Variants in PRKAG2 observed in about 807,000 individuals in gnomAD.
The protein encoded by PRKAG2 is 5'-AMP-activated protein kinase subunit gamma-2.
Under a neutral mutation model 69.6 loss-of-function variants are expected in PRKAG2, and 26 were observed. The observed-to-expected ratio is 0.37, with a 90% confidence interval of 0.27 to 0.52. PRKAG2 has a LOEUF of 0.52. Ranked by LOEUF, PRKAG2 falls within the 20% of genes least tolerant of loss-of-function variation. The pLI, the probability that PRKAG2 is intolerant of heterozygous loss-of-function variation, is 0.90. For missense variants in PRKAG2, 557 were observed against 740.0 expected, an observed-to-expected ratio of 0.75 and a Z score of 2.87; for synonymous variants, 293 against 285.0, an observed-to-expected ratio of 1.03 and a Z score of -0.28.
At chr7:151,833,956 A>T (rs1410242381) in intron 1 of PRKAG2, among the ~76,000 whole-genome samples, 1 of 152,200 alleles carries the variant, frequency 6.6e-6, no homozygotes, top group African/African-American at 2.4e-5. Context: ...TCCTTCCTCT[A>T]GGAGAAGGCC....
In PRKAG2 at chr7:151,691,566, A is replaced by G. The variant is rs187626597; in HGVS notation, c.467-15929T>C. The stretch of plus-strand genomic sequence containing the variant: ...TACAGATGACAAATAATGATATGAT[A>G]TTCACCATCATTAATCTTTAGGGCT... On this transcript the variant is annotated intron_variant, in intron 3 of 15. Transcript: ENST00000287878. Among the ~76,000 whole-genome samples the G allele has an allele frequency of 2.6e-3, 391 of 152,238 alleles. 1 individual carries two copies. The highest frequency in any genetic ancestry group is 4.1e-3 in the Non-Finnish European group (278 of 68,014).
At chr7:151,658,626 G>A (rs1298134503) in intron 4 of PRKAG2, among the ~76,000 whole-genome samples, 1 of 152,166 alleles carries the variant, frequency 6.6e-6, no homozygotes, top group Non-Finnish European at 1.5e-5. Flanking sequence ...AAATGTGCCT[G>A]ATCTAATTCA....
At chr7:151,626,306 C>A (rs1248135509) in intron 5 of PRKAG2, among the ~76,000 whole-genome samples, 3 of 152,202 alleles carry the variant, frequency 2.0e-5, no homozygotes, top group Non-Finnish European at 4.4e-5. Flanking sequence ...AAGTCGGAGA[C>A]ACCACCAAAT....
In PRKAG2 at chr7:151,716,414, A is replaced by AG. The variant is rs573434234; in HGVS notation, c.467-40778dup. Among the ~76,000 whole-genome samples, 15 of 152,308 alleles carry AG rather than the reference A, an allele frequency of 9.8e-5. No homozygotes were observed. The East Asian group carries it at 2.9e-3, about 29-fold the overall frequency. ...CCTGTTAGAGAAGCAGGGGCTGGGC[A>AG]GGGGTCCGTATGTGGACTCCCAACA... On this transcript the variant is annotated intron_variant, in intron 3 of 15. Coordinates refer to ENST00000287878, the MANE Select transcript of PRKAG2 (RefSeq NM_016203.4).
At position 151,781,797 on chromosome 7, in the gene PRKAG2, C is replaced by T. The variant is rs1214762371; in HGVS notation, c.187-366G>A. ...TCACCTCTCAAGACCTCACGTCCATCCAAGTTCTGACCACACAGGACTGCA... is the reference window on the plus strand; with the variant it reads ...TCACCTCTCAAGACCTCACGTCCATTCAAGTTCTGACCACACAGGACTGCA... On this transcript the variant is annotated intron_variant, in intron 2 of 15. Coordinates refer to ENST00000287878, the MANE Select transcript of PRKAG2 (RefSeq NM_016203.4). This position sits in a 1 kb window ranked among gnomAD's most constrained non-coding sequence, Gnocchi z 6.1. Among the ~76,000 whole-genome samples the T allele has an allele frequency of 6.6e-6, 1 of 152,204 alleles. No homozygotes were observed. Among genetic ancestry groups the T allele is most frequent in the East Asian group, 1.9e-4 (1 of 5,182 alleles).
intron 3 of PRKAG2, among the ~76,000 whole-genome samples, chr7:151,760,934 A>C (rs1175275428): frequency 6.6e-6 from 1 of 152,222 alleles, no homozygotes. Context: ...GCTTCGTGGC[A>C]TGAACAGAAA....
rs369866184 is a variant in PRKAG2, at chr7:151,807,074, G to A, written c.115-20533C>T. The A allele has an allele frequency of 2.3e-6, 1 of 428,026 alleles. No individual in the cohort carries two copies. Among genetic ancestry groups the A allele is most frequent in the East Asian group, 7.0e-5 (1 of 14,310 alleles). The allele number at this position is 428,026 out of a possible 1,614,324, so 26.5% of individuals were successfully genotyped here. ...CCCACCCTCAAGTCTGAAGGTGGAG[G>A]TGGGGAAGGGCAGAGGCTGTAAAGG... On this transcript the variant is annotated intron_variant, in intron 1 of 15. Coordinates refer to ENST00000287878, the MANE Select transcript of PRKAG2 (RefSeq NM_016203.4). The surrounding 1 kb of genome is among the most constrained non-coding windows in gnomAD (Gnocchi z 4.4).
rs182677760 is a variant in PRKAG2 at position 151,614,984 on chromosome 7, G to C, written c.754+17085C>G. Among the ~76,000 whole-genome samples, 17 of 152,212 alleles carry C rather than the reference G, an allele frequency of 1.1e-4. No homozygotes were observed. The highest frequency in any genetic ancestry group is 3.9e-4 in the African/African-American group (16 of 41,556). On this transcript the variant is annotated intron_variant, in intron 5 of 15. Coordinates refer to ENST00000287878, the MANE Select transcript of PRKAG2 (RefSeq NM_016203.4). This position sits in a 1 kb window ranked among gnomAD's most constrained non-coding sequence, Gnocchi z 4.4. Reference sequence around the variant, plus strand: ...GCCGTATGGATCCAGAGGGAACCTCGAGAGAGGAGCCGTGTGGATCCAGAG... The same window carrying C: ...GCCGTATGGATCCAGAGGGAACCTCCAGAGAGGAGCCGTGTGGATCCAGAG...
chr7:151,709,274 G>A lies in PRKAG2; in HGVS notation c.467-33637C>T, dbSNP rs556295936. ...GTGACAATGTGTGACATTGTGTGACGATGAGGGATGTATGGTACTGTATGA... is the reference window on the plus strand; with the variant it reads ...GTGACAATGTGTGACATTGTGTGACAATGAGGGATGTATGGTACTGTATGA... On this transcript the variant is annotated intron_variant, in intron 3 of 15. Transcript: ENST00000287878. 1.2e-3 allele frequency among the ~76,000 whole-genome samples: 183 copies of A among 150,024 alleles called. 2 individuals carry two copies. The highest frequency in any genetic ancestry group is 4.4e-3 in the African/African-American group (178 of 40,374).
chr7:151,839,379 CCCCTG>C (rs1327700704), intron 1 of PRKAG2, among the ~76,000 whole-genome samples: 1 of 152,196 alleles, frequency 6.6e-6, no homozygotes, highest in African/African-American at 2.4e-5. Flanking sequence ...CGGTCCGCAG[CCCCTG>C]CCGTCCAGCC....
In PRKAG2 at chr7:151,561,532, T is replaced by C. The variant is rs543836547; in HGVS notation, c.1585-915A>G. Among the ~76,000 whole-genome samples the C allele has an allele frequency of 1.6e-4, 24 of 152,374 alleles. No homozygotes were observed. The South Asian group carries it at 5.0e-3, about 32-fold the overall frequency. Reference sequence around the variant, plus strand: ...AAGTGGGATAGACTACGTCCATCTCTAGTTTTCTACTCTGAAATCTCTGAT... The same window carrying C: ...AAGTGGGATAGACTACGTCCATCTCCAGTTTTCTACTCTGAAATCTCTGAT... On this transcript the variant is annotated intron_variant, in intron 14 of 15. Coordinates refer to ENST00000287878, the MANE Select transcript of PRKAG2 (RefSeq NM_016203.4).
intron 3 of PRKAG2, among the ~76,000 whole-genome samples, chr7:151,765,707 G>A (rs1341430301): frequency 3.3e-5 from 5 of 152,168 alleles, no homozygotes; most frequent in African/African-American, 1.2e-4. Flanking sequence ...TGAGGTCCTG[G>A]GGGTCAGGAC....
At chr7:151,602,418 A>G (rs898494923) in intron 5 of PRKAG2, among the ~76,000 whole-genome samples, 3 of 152,232 alleles carry the variant, frequency 2.0e-5, no homozygotes, top group Non-Finnish European at 4.4e-5. Flanking sequence ...TAGTATTACT[A>G]TATGAATATG....
chr7:151,829,946 C>T (rs1185197307), intron 1 of PRKAG2, among the ~76,000 whole-genome samples: 1 of 151,748 alleles, frequency 6.6e-6, no homozygotes, highest in Non-Finnish European at 1.5e-5. Flanking sequence ...CCCCCTGAGG[C>T]CATCTGACAA....
At chr7:151,761,047 C>A (rs1352417612) in intron 3 of PRKAG2, among the ~76,000 whole-genome samples, 1 of 152,196 alleles carries the variant, frequency 6.6e-6, no homozygotes, top group African/African-American at 2.4e-5. Context: ...AGCGAAACTG[C>A]CTTTGCAAAA....
At chr7:151,730,635 A>G (rs1798774578) in intron 3 of PRKAG2, among the ~76,000 whole-genome samples, 1 of 150,442 alleles carries the variant, frequency 6.6e-6, no homozygotes, top group South Asian at 2.1e-4. Flanking sequence ...CGCCAGAGGC[A>G]GTGTGAGGAC....
intron 3 of PRKAG2, among the ~76,000 whole-genome samples, chr7:151,749,921 A>T (rs913198291): frequency 1.3e-5 from 2 of 152,110 alleles, no homozygotes; most frequent in South Asian, 4.1e-4. Flanking sequence ...ACATGGTGAA[A>T]TCCCATCTCC....
chr7:151,696,722 G>C (rs1836740946), intron 3 of PRKAG2, among the ~76,000 whole-genome samples: 1 of 152,250 alleles, frequency 6.6e-6, no homozygotes, highest in African/African-American at 2.4e-5. Context: ...TCGGAAGGCA[G>C]GGTCAGGCCA....
rs56898021 is a variant in PRKAG2, at chr7:151,556,160, G to GA, written c.*1040dup. The GA allele has an allele frequency of 0.54, 73,650 of 136,938 alleles. 20,896 individuals are homozygous for GA. Among genetic ancestry groups the GA allele is most frequent in the Non-Finnish European group, 0.66 (42,312 of 64,480 alleles). 8.5% of individuals were successfully genotyped at this position (136,938 alleles called of 1,614,324 possible). ...AGGATCTATTTTAATTTTTCAATCT[G>GA]AAAAAAAAAAACCCAAAACAAAAAA... On this transcript the variant is annotated 3_prime_UTR_variant, in exon 16 of 16. Transcript: ENST00000287878.
Sources: gnomAD v4.1 joint callset for allele counts (sites outside exome capture counted in the v4.1 genomes callset) on GRCh38, gnomAD v4.1.1 for gene constraint, Gnocchi (gnomAD v3.1) non-coding constraint, MANE v1.5 for transcripts, NCBI Gene and HGNC (gene_info 2026-07-23, HGNC 2026-07-21) for gene names.